Variants in TXLNB observed in about 807,000 individuals in gnomAD.
The protein encoded by TXLNB is taxilin beta.
Under a neutral mutation model 57.4 loss-of-function variants are expected in TXLNB, and 37 were observed. The ratio of observed to expected loss-of-function variants is 0.64; its 90% CI spans 0.50 to 0.85. The LOEUF (loss-of-function observed/expected upper bound fraction) is 0.85. Among genes scored for constraint, TXLNB ranks in the 40% least tolerant of loss-of-function variants. The pLI is 0.00. For missense variants in TXLNB, 848 were observed against 825.6 expected (o/e 1.03, Z -0.33); for synonymous variants, 302 against 309.6 (o/e 0.98, Z 0.26).
At chr6:139,223,841 G>A in the TXLNB span, among the ~76,000 whole-genome samples, 1 of 151,912 alleles carries the variant, frequency 6.6e-6, no homozygotes, top group Non-Finnish European at 1.5e-5. Context: ...CTTTTACACT[G>A]TTGGTGAGAC....
intron 3 of TXLNB, among the ~76,000 whole-genome samples, chr6:139,274,821 T>C (rs955186889): frequency 3.3e-5 from 5 of 152,052 alleles, no homozygotes; most frequent in Non-Finnish European, 7.4e-5. Context: ...TGAATGGCCT[T>C]GGTATGAGTT....
upstream of TXLNB, among the ~76,000 whole-genome samples, chr6:139,296,034 A>ACC (rs34197940): frequency 1.5e-4 from 23 of 149,494 alleles, no homozygotes; most frequent in Non-Finnish European, 2.7e-4. Flanking sequence ...TAGAACCTTG[A>ACC]CCCCCCCCTC....
the TXLNB span, among the ~76,000 whole-genome samples, chr6:139,162,907 C>T: frequency 6.6e-6 from 1 of 152,256 alleles, no homozygotes; most frequent in African/African-American, 2.4e-5. Flanking sequence ...TGTTAAGGCT[C>T]AGCCTCTGCT....
At chr6:139,217,909 TTTGTGAATA>T in the TXLNB span, among the ~76,000 whole-genome samples, 10 of 151,628 alleles carry the variant, frequency 6.6e-5, no homozygotes, top group South Asian at 2.1e-3. Flanking sequence ...TTTAGCTTAG[TTTGTGAATA>T]TTGCAATCAG....
chr6:139,211,596 G>T, the TXLNB span, among the ~76,000 whole-genome samples: 3 of 152,238 alleles, frequency 2.0e-5, no homozygotes, highest in Non-Finnish European at 4.4e-5. Flanking sequence ...AAGGAACGCA[G>T]CTCCTCACCA....
the TXLNB span, among the ~76,000 whole-genome samples, chr6:139,222,894 C>G: frequency 2.6e-5 from 4 of 151,938 alleles, no homozygotes; most frequent in East Asian, 7.7e-4. Flanking sequence ...GGTCAATGGA[C>G]CAAAAACTGG....
intron 3 of TXLNB, 120 bp downstream of exon 3, chr6:139,276,710 G>C (rs982955557): frequency 2.6e-5 from 19 of 732,262 alleles, no homozygotes; most frequent in Middle Eastern, 2.3e-4. Context: ...TTAGCGCACA[G>C]ACCTCAGATG....
At chr6:139,250,534 C>T (rs965544223) in intron 7 of TXLNB, among the ~76,000 whole-genome samples, 1 of 151,910 alleles carries the variant, frequency 6.6e-6, no homozygotes, top group African/African-American at 2.4e-5. Context: ...GAACAACTAC[C>T]CCCAGCAGAT....
At chr6:139,220,576 G>A in the TXLNB span, among the ~76,000 whole-genome samples, 3 of 152,094 alleles carry the variant, frequency 2.0e-5, no homozygotes, top group Admixed American at 1.3e-4. Flanking sequence ...TCATATCTGC[G>A]TCTGACAAAT....
At chr6:139,233,998 G>A in the TXLNB span, among the ~76,000 whole-genome samples, 2 of 152,182 alleles carry the variant, frequency 1.3e-5, no homozygotes, top group Admixed American at 1.3e-4. Flanking sequence ...ACCTCAGATG[G>A]TGATGAAGAA....
At chr6:139,319,810 C>A in the TXLNB span, among the ~76,000 whole-genome samples, 9 of 151,844 alleles carry the variant, frequency 5.9e-5, no homozygotes, top group Non-Finnish European at 1.3e-4. Context: ...ACAAGTAAAT[C>A]CTTTTAAATG....
chr6:139,247,937 T>C (rs754109360), intron 7 of TXLNB, 28 bp from the exon 8 acceptor site: 1 of 1,337,032 alleles, frequency 7.5e-7, no homozygotes. Context: ...AGTGGATCTT[T>C]CAGAATACTT....
At chr6:139,264,353 G>T (rs1446787667) in intron 4 of TXLNB, among the ~76,000 whole-genome samples, 2 of 151,826 alleles carry the variant, frequency 1.3e-5, no homozygotes, top group Non-Finnish European at 2.9e-5. Context: ...AATACCGTTT[G>T]TATTTATAAA....
chr6:139,295,744 C>A (rs1269099557), upstream of TXLNB, among the ~76,000 whole-genome samples: 2 of 152,128 alleles, frequency 1.3e-5, no homozygotes, highest in Non-Finnish European at 2.9e-5. Flanking sequence ...AAAATTATAT[C>A]TCAATGTTTA....
At chr6:139,232,175 A>G in the TXLNB span, among the ~76,000 whole-genome samples, 1 of 152,192 alleles carries the variant, frequency 6.6e-6, no homozygotes, top group Non-Finnish European at 1.5e-5. Context: ...GAAACTTACA[A>G]TCATGGCAGA....
chr6:139,161,476 G>T, the TXLNB span, among the ~76,000 whole-genome samples: 1 of 152,098 alleles, frequency 6.6e-6, no homozygotes, highest in African/African-American at 2.4e-5. Context: ...CAGGGATGGG[G>T]CACAGCTGTG....
chr6:139,167,018 C>A, the TXLNB span: 3 of 1,614,186 alleles, frequency 1.9e-6, no homozygotes, highest in South Asian at 2.2e-5. Flanking sequence ...CAGGGGGGGA[C>A]ACTTCGACAC....
At chr6:139,314,907 C>T in the TXLNB span, among the ~76,000 whole-genome samples, 19 of 152,230 alleles carry the variant, frequency 1.2e-4, no homozygotes, top group East Asian at 3.7e-3. Flanking sequence ...AGCCCTTTCC[C>T]GAAAAGACCC....
At chr6:139,166,263 C>G in the TXLNB span, 1 of 1,558,534 alleles carries the variant, frequency 6.4e-7, no homozygotes, top group Non-Finnish European at 8.7e-7. Context: ...GAAATCTGTT[C>G]TCTCTTTATT....
Sources: allele counts gnomAD v4.1 joint callset (sites outside exome capture counted in the v4.1 genomes callset), GRCh38; gene constraint gnomAD v4.1.1; transcripts MANE v1.5; gene names NCBI Gene and HGNC (gene_info 2026-07-23, HGNC 2026-07-21).